Variants in AHCTF1 observed in about 807,000 individuals in gnomAD.
The protein encoded by AHCTF1 is protein ELYS.
AHCTF1 carries 24 observed loss-of-function variants against 248.4 expected under a neutral mutation model. That is an observed-to-expected ratio of 0.10 (90% CI 0.07 to 0.14). AHCTF1 has a LOEUF of 0.14. Among genes scored for constraint, AHCTF1 ranks in the 10% least tolerant of loss-of-function variants. AHCTF1 has a pLI of 1.00. For synonymous variants in AHCTF1, 786 were observed against 929.8 expected (o/e 0.85, Z 2.81); for missense variants, 2,206 against 2,636.2 (o/e 0.84, Z 3.57).
intron 5 of AHCTF1, among the ~76,000 whole-genome samples, chr1:246,906,058 T>C (rs930381559): frequency 5.9e-5 from 9 of 152,170 alleles, no homozygotes; most frequent in African/African-American, 2.2e-4. Context: ...TGCTCAACCA[T>C]AAAAGATGCC....
intron 30 of AHCTF1, 84 bp from the exon 31 acceptor site, chr1:246,855,911 A>G (rs1661081927): frequency 1.1e-6 from 1 of 880,540 alleles, no homozygotes; most frequent in Admixed American, 2.6e-5. Context: ...CTAACCTGTC[A>G]TTTTGGTGAT....
At chr1:246,846,683 A>G (rs1444190147) in intron 33 of AHCTF1, among the ~76,000 whole-genome samples, 1 of 152,060 alleles carries the variant, frequency 6.6e-6, no homozygotes, top group Admixed American at 6.6e-5. Context: ...TGAAATGCCA[A>G]TATGAAAAAA....
rs1665343322 is a variant in AHCTF1, at chr1:246,905,752, C to T, written c.765-95G>A. 5 of 842,384 alleles carry T rather than the reference C, an allele frequency of 5.9e-6. No homozygotes were observed. In the East Asian group the frequency reaches 1.4e-4, roughly 23 times the overall value. 52.2% of individuals were successfully genotyped at this position (842,384 alleles called of 1,614,324 possible). A position where few individuals can be genotyped will look rare whatever the true frequency, so the allele number is the denominator to read the frequency against. ...AACTTGGGTTAGGCAACCACTGTTC[C>T]TACACTTCCCCAGAATAAGTGATCT... is the stretch of plus-strand genomic sequence containing the variant. On this transcript the variant is annotated intron_variant, in intron 5 of 35. Coordinates refer to ENST00000648844, the MANE Select transcript of AHCTF1 (RefSeq NM_001323342.2).
intron 21 of AHCTF1, 99 bp downstream of exon 21, chr1:246,885,394 G>C (rs1663744135): frequency 5.0e-6 from 5 of 1,005,568 alleles, no homozygotes; most frequent in Non-Finnish European, 7.1e-6. Flanking sequence ...TGACTTTACT[G>C]ACTTAACGGC....
chr1:246,862,066 T>C lies in AHCTF1; in HGVS notation c.3628A>G (p.Thr1210Ala), dbSNP rs1416523558. The C allele has an allele frequency of 5.6e-6, 9 of 1,612,342 alleles. No homozygotes were observed. Among genetic ancestry groups the C allele is most frequent in the Non-Finnish European group, 5.9e-6 (7 of 1,178,522 alleles). ...GATGGAGAGGGAGATGCTAAAGGTG[T>C]TGATCGAAGAGTAGACCTCAGGATG... ...QSILRSTLRSTPLASPSPSPG... is the reference protein window; with the variant it reads ...QSILRSTLRSAPLASPSPSPG... Residue 1210 changes from threonine (T) to alanine (A), a missense_variant, in exon 28 of 36, where the codon ACA becomes GCA. This residue lies in a region of AHCTF1 where 955 missense variants were observed against 1,055.6 expected (regional missense o/e 0.90). Coordinates refer to ENST00000648844, the MANE Select transcript of AHCTF1 (RefSeq NM_001323342.2).
intron 27 of AHCTF1, among the ~76,000 whole-genome samples, chr1:246,862,645 C>T (rs143911818): frequency 2.6e-3 from 389 of 152,220 alleles, no homozygotes; most frequent in African/African-American, 9.0e-3. Flanking sequence ...CGTAAGTCTA[C>T]GAAACATAAA....
At chr1:246,869,762 G>A (rs1186184684) in intron 24 of AHCTF1, among the ~76,000 whole-genome samples, 2 of 152,036 alleles carry the variant, frequency 1.3e-5, no homozygotes, top group Non-Finnish European at 1.5e-5. Context: ...TAATGCCCCT[G>A]GTCACCCAGG....
intron 17 of AHCTF1, among the ~76,000 whole-genome samples, chr1:246,889,322 T>TTA (rs769012159): frequency 3.9e-4 from 59 of 152,284 alleles, no homozygotes; most frequent in Non-Finnish European, 6.9e-4. Context: ...CGGCAGCACT[T>TTA]ACTACTCTTT....
At chr1:246,852,877 C>G (rs555433194) in intron 32 of AHCTF1, among the ~76,000 whole-genome samples, 1 of 152,266 alleles carries the variant, frequency 6.6e-6, no homozygotes, top group East Asian at 1.9e-4. Flanking sequence ...GGGCACCCGC[C>G]ACAGCACCCA....
At chr1:246,875,528 T>A (rs1275800369) in intron 24 of AHCTF1, among the ~76,000 whole-genome samples, 1 of 152,154 alleles carries the variant, frequency 6.6e-6, no homozygotes, top group Admixed American at 6.5e-5. Flanking sequence ...TAAAATGCTA[T>A]CAAATGGTAT....
rs367694906 is a variant in AHCTF1 at position 246,850,783 on chromosome 1, C to T, written c.5223G>A (p.Thr1741=). The T allele has an allele frequency of 1.2e-4, 200 of 1,613,776 alleles. 1 individual carries two copies. Among genetic ancestry groups the T allele is most frequent in the South Asian group, 5.5e-4 (50 of 91,058 alleles). The change falls in exon 33 of 36, where the codon ACG becomes ACA. Residue 1741 remains threonine (T), a synonymous_variant. Transcript: ENST00000648844. ...VDDVVSSKTR[T]RGQRIQNVNV... ...TCACGTTTTGGATACGTTGACCTCT[C>T]GTACGAGTTTTGGAGGAAACCACGT...
Position 246,890,050 on chromosome 1 carries a change from A to G in AHCTF1, c.2060T>C (p.Val687Ala), listed in dbSNP as rs1664114634. The G allele has an allele frequency of 1.2e-6, 2 of 1,610,054 alleles. No homozygotes were observed. Among genetic ancestry groups the G allele is most frequent in the South Asian group, 2.2e-5 (2 of 90,592 alleles). The change falls in exon 17 of 36, where the codon GTG (valine) becomes GCG (alanine). Residue 687 changes from valine to alanine, a missense_variant. Val to Ala is a moderately conservative substitution (Grantham distance 64). Coordinates refer to ENST00000648844, the MANE Select transcript of AHCTF1 (RefSeq NM_001323342.2). ...GTTGTAGCATAACCTTGACAACTGC[A>G]CAGAATCATCTAGATTTTTAAGAGT... Reference protein sequence around the residue: ...GLLPEGIDDSVQLSRLCYNYP... With the variant: ...GLLPEGIDDSAQLSRLCYNYP...
intron 33 of AHCTF1, among the ~76,000 whole-genome samples, chr1:246,845,549 T>C (rs2103032034): frequency 6.6e-6 from 1 of 152,334 alleles, no homozygotes; most frequent in Non-Finnish European, 1.5e-5. Context: ...CTAGGCTACC[T>C]GAAAAAACGA....
At chr1:246,881,488 A>ATT (rs1478391537) in intron 21 of AHCTF1, among the ~76,000 whole-genome samples, 3 of 152,184 alleles carry the variant, frequency 2.0e-5, no homozygotes, top group Non-Finnish European at 4.4e-5. Context: ...TGGAGAATAC[A>ATT]TTGAGTACTT....
chr1:246,918,808 T>C (rs1228683799), intron 1 of AHCTF1, among the ~76,000 whole-genome samples: 1 of 152,226 alleles, frequency 6.6e-6, no homozygotes. Flanking sequence ...CTTTAAACAC[T>C]AGTTCAGTGC....
At chr1:246,863,387 C>T (rs1012829443) in intron 27 of AHCTF1, among the ~76,000 whole-genome samples, 2 of 146,488 alleles carry the variant, frequency 1.4e-5, no homozygotes, top group East Asian at 2.0e-4. Flanking sequence ...AAAAAAAAAA[C>T]AAAACTTTAA....
At chr1:246,909,724 A>T (rs59904791) in intron 4 of AHCTF1, among the ~76,000 whole-genome samples, 40,380 of 152,068 alleles carry the variant, frequency 0.27, 5,505 homozygotes, top group Admixed American at 0.31. Flanking sequence ...TAATGTGTGC[A>T]GGGTTCAGTA....
At position 246,927,831 on chromosome 1, in the gene AHCTF1, T is replaced by C. The variant is rs550807773; in HGVS notation, c.-8+3747A>G. ...CATCCTGGCCAACATGGTGAAACCC[T>C]GTCTCTACTAAAAATACAAAAATTA... On this transcript the variant is annotated intron_variant, in intron 1 of 35. Transcript: ENST00000648844. 2.0e-4 allele frequency among the ~76,000 whole-genome samples: 31 copies of C among 151,576 alleles called. No homozygotes were observed. In the South Asian group the frequency reaches 5.6e-3, roughly 27 times the overall value.
intron 24 of AHCTF1, among the ~76,000 whole-genome samples, chr1:246,870,476 A>AAAAC (rs1300384658): frequency 6.6e-6 from 1 of 152,198 alleles, no homozygotes; most frequent in African/African-American, 2.4e-5. Flanking sequence ...ATCTCATGAT[A>AAAAC]AAACATGAAT....
Sources: allele counts gnomAD v4.1 joint callset (sites outside exome capture counted in the v4.1 genomes callset), GRCh38; gene constraint gnomAD v4.1.1; regional missense constraint gnomAD v4.1.1; transcripts MANE v1.5; gene names NCBI Gene and HGNC (gene_info 2026-07-23, HGNC 2026-07-21).